The following SSBP3 variants were observed in gnomAD, a reference collection of about 807,000 sequenced individuals.
SSBP3 encodes single stranded DNA binding protein 3, also known as single-stranded DNA-binding protein 3.
A neutral mutation model predicts 69.6 loss-of-function variants in SSBP3; 5 were observed. The ratio of observed to expected loss-of-function variants is 0.07; its 90% CI spans 0.04 to 0.15. The LOEUF (loss-of-function observed/expected upper bound fraction) is 0.15. Ranked by LOEUF, SSBP3 falls within the 10% of genes least tolerant of loss-of-function variation. SSBP3 has a pLI of 1.00. For synonymous variants in SSBP3, 196 were observed against 193.4 expected, an observed-to-expected ratio of 1.01 and a Z score of -0.11; for missense variants, 312 against 534.0, an observed-to-expected ratio of 0.58 and a Z score of 4.10.
chr1:54,316,653 AAAAAAATAAAAT>A lies in SSBP3; in HGVS notation c.277-35138_277-35127del, dbSNP rs1459376346. Among the ~76,000 whole-genome samples, 349 of 53,850 alleles carry A rather than the reference AAAAAAATAAAAT, an allele frequency of 6.5e-3. 36 individuals are homozygous for A. The highest frequency in any genetic ancestry group is 0.033 in the African/African-American group (257 of 7,780). The allele number at this position is 53,850 out of a possible 152,430, so 35.3% of individuals were successfully genotyped here. A position where few individuals can be genotyped will look rare whatever the true frequency, so the allele number is the denominator to read the frequency against. ...ACAGAGCGAGACTCCGTCTCAAAAA[AAAAAAATAAAAT>A]AAATAAATAAATAAATAAATAAATA... On this transcript the variant is annotated intron_variant, in intron 4 of 17. Transcript: ENST00000610401.
chr1:54,379,617 A>G lies in SSBP3; in HGVS notation c.276+22244T>C, dbSNP rs797019948. 1.9e-4 allele frequency among the ~76,000 whole-genome samples: 29 copies of G among 152,318 alleles called. 1 individual carries two copies. The highest frequency in any genetic ancestry group is 6.7e-4 in the African/African-American group (28 of 41,572). On this transcript the variant is annotated intron_variant, in intron 4 of 17. Transcript: ENST00000610401. ...ATCCACGCCCAGGACCAAGCCAAGA[A>G]AGAGGCGGTACAATGGTGCGGCCAG...
chr1:54,373,786 A>C (rs1647174273), intron 4 of SSBP3, among the ~76,000 whole-genome samples: 1 of 150,354 alleles, frequency 6.7e-6, no homozygotes, highest in Non-Finnish European at 1.5e-5. Context: ...AAAAAAAAAA[A>C]CAGGAATGCC....
At chr1:54,386,704 T>TTTTTTTTTTTTTTA (rs1557584629) in intron 4 of SSBP3, among the ~76,000 whole-genome samples, 1 of 140,986 alleles carries the variant, frequency 7.1e-6, no homozygotes. Flanking sequence ...TTTTTTTTTT[T>TTTTTTTTTTTTTTA]AAGAGATGGA....
intron 14 of SSBP3, among the ~76,000 whole-genome samples, chr1:54,230,193 G>T (rs1209928646): frequency 6.6e-6 from 1 of 152,182 alleles, no homozygotes; most frequent in African/African-American, 2.4e-5. Flanking sequence ...CCCAGACTGG[G>T]GGAGGGGTGG....
chr1:54,287,089 C>T (rs1208967489), intron 4 of SSBP3: 1 of 152,196 alleles, frequency 6.6e-6, no homozygotes, highest in African/African-American at 2.4e-5. Context: ...TCAAGAACCC[C>T]AGCTATCCTC....
At chr1:54,255,250 G>T (rs1644901033) in intron 7 of SSBP3, among the ~76,000 whole-genome samples, 1 of 152,078 alleles carries the variant, frequency 6.6e-6, no homozygotes, top group Non-Finnish European at 1.5e-5. Context: ...CTCTTGAGTG[G>T]TTGCTCATGC....
In SSBP3 at chr1:54,264,605, T is replaced by C. The variant is rs142643459; in HGVS notation, c.367-6456A>G. Reference sequence around the variant, plus strand: ...CCAAAAAGCACTAGGGCTGGAGTCCTGGCCTTGTCGCCCTGGGTCTTGGCA... The same window carrying C: ...CCAAAAAGCACTAGGGCTGGAGTCCCGGCCTTGTCGCCCTGGGTCTTGGCA... On this transcript the variant is annotated intron_variant, in intron 5 of 17. Transcript: ENST00000610401. Among the ~76,000 whole-genome samples the C allele has an allele frequency of 2.7e-3, 415 of 152,350 alleles. 4 individuals carry two copies. Among genetic ancestry groups the C allele is most frequent in the African/African-American group, 9.5e-3 (395 of 41,592 alleles).
intron 4 of SSBP3, among the ~76,000 whole-genome samples, chr1:54,350,649 C>G (rs1338360894): frequency 6.6e-6 from 1 of 152,176 alleles, no homozygotes; most frequent in Non-Finnish European, 1.5e-5. Flanking sequence ...CTACTTTAGA[C>G]ACAAAGGCCT....
intron 15 of SSBP3, 135 bp downstream of exon 15, chr1:54,228,613 T>A: frequency 6.8e-7 from 1 of 1,475,786 alleles, no homozygotes; most frequent in African/African-American, 1.4e-5. Context: ...CTGTGCGGCA[T>A]CCCTCTCAGG....
chr1:54,403,113 A>C (rs1331951062), intron 3 of SSBP3, among the ~76,000 whole-genome samples: 2 of 152,228 alleles, frequency 1.3e-5, no homozygotes, highest in Non-Finnish European at 2.9e-5. Context: ...CAAATCGCAC[A>C]AACCAACTTC....
At chr1:54,282,607 C>T (rs969055124) in intron 4 of SSBP3, among the ~76,000 whole-genome samples, 2 of 152,228 alleles carry the variant, frequency 1.3e-5, no homozygotes, top group East Asian at 1.9e-4. Flanking sequence ...GTGGTCGGCG[C>T]GTCTGTGCCT....
intron 4 of SSBP3, among the ~76,000 whole-genome samples, chr1:54,305,043 C>T (rs1229673066): frequency 6.6e-6 from 1 of 152,150 alleles, no homozygotes; most frequent in Non-Finnish European, 1.5e-5. Flanking sequence ...CTGAGATTTA[C>T]CATAACCAGA....
At chr1:54,306,252 T>A (rs543097590) in intron 4 of SSBP3, among the ~76,000 whole-genome samples, 19 of 150,850 alleles carry the variant, frequency 1.3e-4, no homozygotes, top group Admixed American at 1.2e-3. Flanking sequence ...ACTTGCTAAG[T>A]GAAAGAATGA....
intron 4 of SSBP3, among the ~76,000 whole-genome samples, chr1:54,284,621 C>T (rs1235029628): frequency 6.6e-6 from 1 of 151,920 alleles, no homozygotes; most frequent in Admixed American, 6.6e-5. Flanking sequence ...GTGCACACCA[C>T]CATACCCAGC....
At chr1:54,293,252 C>T (rs1308401002) in intron 4 of SSBP3, among the ~76,000 whole-genome samples, 2 of 152,048 alleles carry the variant, frequency 1.3e-5, no homozygotes, top group African/African-American at 4.8e-5. Flanking sequence ...CAAGAACACA[C>T]ACATCGCTTA....
At chr1:54,260,566 G>A (rs1225744636) in intron 5 of SSBP3, among the ~76,000 whole-genome samples, 1 of 152,252 alleles carries the variant, frequency 6.6e-6, no homozygotes, top group African/African-American at 2.4e-5. Flanking sequence ...GCTGGCAGGT[G>A]TGCCTCCTCT....
At chr1:54,400,751 A>G (rs2100810267) in intron 4 of SSBP3, among the ~76,000 whole-genome samples, 1 of 152,346 alleles carries the variant, frequency 6.6e-6, no homozygotes, top group Middle Eastern at 3.4e-3. Context: ...TACAGGAGAA[A>G]TTTTCACCAT....
At chr1:54,396,852 A>G (rs1254823211) in intron 4 of SSBP3, among the ~76,000 whole-genome samples, 1 of 152,166 alleles carries the variant, frequency 6.6e-6, no homozygotes, top group Non-Finnish European at 1.5e-5. Flanking sequence ...AGGATTTGCA[A>G]TTTGGGGTCT....
At chr1:54,386,667 G>A (rs914709083) in intron 4 of SSBP3, among the ~76,000 whole-genome samples, 2 of 89,740 alleles carry the variant, frequency 2.2e-5, no homozygotes, top group African/African-American at 1.0e-4. Context: ...AATCCACAAT[G>A]TATAAACTGA....
Sources: gnomAD v4.1 joint callset for allele counts (sites outside exome capture counted in the v4.1 genomes callset) on GRCh38, gnomAD v4.1.1 for gene constraint, MANE v1.5 for transcripts, NCBI Gene and HGNC (gene_info 2026-07-23, HGNC 2026-07-21) for gene names.